Variants in LRRTM3 observed in about 807,000 individuals in gnomAD.
LRRTM3 encodes the protein leucine-rich repeat transmembrane neuronal protein 3.
A neutral mutation model predicts 44.7 loss-of-function variants in LRRTM3; 24 were observed. That is an observed-to-expected ratio of 0.54 (90% confidence interval 0.39 to 0.76). LRRTM3 has a LOEUF of 0.76. Among genes scored for constraint, LRRTM3 ranks in the 30% least tolerant of loss-of-function variants. The probability of loss-of-function intolerance (pLI) is 0.00; values close to 1 mark genes in which losing one functional copy is unlikely to be tolerated. For synonymous variants in LRRTM3, 277 were observed against 278.7 expected (o/e 0.99, Z 0.06); for missense variants, 587 against 702.2 (o/e 0.84, Z 1.85).
chr10:67,056,780 T>C (rs1855457196), intron 2 of LRRTM3, among the ~76,000 whole-genome samples: 1 of 152,168 alleles, frequency 6.6e-6, no homozygotes, highest in African/African-American at 2.4e-5. Flanking sequence ...ATGATATGAA[T>C]AAATCTGCTA....
rs1479977286 is a variant in LRRTM3 at position 67,100,644 on chromosome 10, C to G, written c.*2848C>G. The stretch of plus-strand genomic sequence containing the variant: ...CTGAAATGTTTACTTATGTTTGGAG[C>G]TGAAAAATGGAAAGTTTCACCCAGC... On this transcript the variant is annotated 3_prime_UTR_variant, in exon 3 of 3. Transcript: ENST00000361320. 6.6e-6 allele frequency among the ~76,000 whole-genome samples: 1 copy of G among 151,634 alleles called. No homozygotes were observed. Among genetic ancestry groups the G allele is most frequent in the Middle Eastern group, 3.2e-3 (1 of 316 alleles).
At chr10:67,011,239 G>C (rs1264560411) in intron 2 of LRRTM3, among the ~76,000 whole-genome samples, 1 of 151,886 alleles carries the variant, frequency 6.6e-6, no homozygotes, top group African/African-American at 2.4e-5. Flanking sequence ...TACTCGGGAG[G>C]CTGAGGCAGG....
At chr10:66,993,487 G>A (rs749745972) in intron 2 of LRRTM3, among the ~76,000 whole-genome samples, 36 of 151,996 alleles carry the variant, frequency 2.4e-4, no homozygotes, top group Non-Finnish European at 4.9e-4. Context: ...TTGCATTCTG[G>A]CAGGACAAGC....
chr10:67,063,214 T>C (rs1855863972), intron 2 of LRRTM3, among the ~76,000 whole-genome samples: 1 of 152,120 alleles, frequency 6.6e-6, no homozygotes, highest in African/African-American at 2.4e-5. Context: ...CTTAAAGCAA[T>C]GCCTAGTAAG....
chr10:67,091,724 C>G (rs895459706), intron 2 of LRRTM3, among the ~76,000 whole-genome samples: 1 of 151,828 alleles, frequency 6.6e-6, no homozygotes, highest in East Asian at 1.9e-4. Flanking sequence ...TCATTGATGT[C>G]AAGAAAGTAA....
In LRRTM3 at chr10:66,933,668, A is replaced by G. The variant is rs556420604; in HGVS notation, c.1536+5216A>G. Among the ~76,000 whole-genome samples the G allele has an allele frequency of 4.6e-5, 7 of 152,292 alleles. No homozygotes were observed. The South Asian group carries it at 6.2e-4, about 14-fold the overall frequency. On this transcript the variant is annotated intron_variant, in intron 2 of 2. Transcript: ENST00000361320. Reference sequence around the variant, plus strand: ...ACTGTGCCCAAGATCTCCTCTTAGTATAGAAATTACTATTGACTTTATCAA... The same window carrying G: ...ACTGTGCCCAAGATCTCCTCTTAGTGTAGAAATTACTATTGACTTTATCAA...
In LRRTM3 at chr10:66,953,749, G is replaced by A. The variant is rs531655035; in HGVS notation, c.1536+25297G>A. On this transcript the variant is annotated intron_variant, in intron 2 of 2. Coordinates refer to ENST00000361320, the MANE Select transcript of LRRTM3 (RefSeq NM_178011.5). ...ATATGTTTTATGACATGCTGACACT[G>A]TCCTCCTAAGATAATATTAGATGAT... 2.6e-5 allele frequency among the ~76,000 whole-genome samples: 4 copies of A among 152,150 alleles called. No homozygotes were observed. The South Asian group carries it at 8.3e-4, about 32-fold the overall frequency.
At chr10:66,971,380 C>A (rs1350880285) in intron 2 of LRRTM3, among the ~76,000 whole-genome samples, 1 of 151,898 alleles carries the variant, frequency 6.6e-6, no homozygotes, top group Non-Finnish European at 1.5e-5. Flanking sequence ...GAGCCGAGAT[C>A]GTGCCACTGC....
chr10:67,071,643 T>C (rs1195972472), intron 2 of LRRTM3, among the ~76,000 whole-genome samples: 1 of 152,218 alleles, frequency 6.6e-6, no homozygotes, highest in East Asian at 1.9e-4. Context: ...AACTTGTGTG[T>C]GGCGGTCTTT....
intron 2 of LRRTM3, among the ~76,000 whole-genome samples, chr10:66,975,481 C>T (rs1291449296): frequency 6.6e-6 from 1 of 152,138 alleles, no homozygotes; most frequent in East Asian, 1.9e-4. Context: ...TTTCCCTTTC[C>T]TGAGGATTTC....
chr10:67,085,934 T>C (rs993856593), intron 2 of LRRTM3, among the ~76,000 whole-genome samples: 5 of 151,916 alleles, frequency 3.3e-5, no homozygotes, highest in African/African-American at 1.2e-4. Flanking sequence ...ATATAAAGCC[T>C]CATAGCAACA....
intron 2 of LRRTM3, among the ~76,000 whole-genome samples, chr10:67,011,968 C>T (rs1050108329): frequency 6.6e-6 from 1 of 152,156 alleles, no homozygotes; most frequent in Non-Finnish European, 1.5e-5. Context: ...TTTTGACCAA[C>T]ATTACCTCCT....
intron 2 of LRRTM3, among the ~76,000 whole-genome samples, chr10:66,931,811 G>A (rs1417966276): frequency 3.9e-5 from 6 of 152,132 alleles, no homozygotes; most frequent in Non-Finnish European, 7.4e-5. Flanking sequence ...GATGAAAAGC[G>A]AGTAATAACG....
intron 2 of LRRTM3, among the ~76,000 whole-genome samples, chr10:66,930,819 G>A (rs1418453178): frequency 1.3e-5 from 2 of 152,014 alleles, no homozygotes; most frequent in African/African-American, 4.8e-5. Flanking sequence ...AGATAAGAAC[G>A]AAAATAAAAT....
intron 2 of LRRTM3, among the ~76,000 whole-genome samples, chr10:67,004,700 T>G (rs974403909): frequency 2.0e-5 from 3 of 152,212 alleles, no homozygotes; most frequent in Non-Finnish European, 4.4e-5. Flanking sequence ...TTCAAAAGAC[T>G]AGTATACTCA....
chr10:67,014,465 A>G (rs1356690885), intron 2 of LRRTM3, among the ~76,000 whole-genome samples: 1 of 152,170 alleles, frequency 6.6e-6, no homozygotes, highest in Non-Finnish European at 1.5e-5. Flanking sequence ...TGTTTGTAAC[A>G]TATGCATTCT....
intron 2 of LRRTM3, among the ~76,000 whole-genome samples, chr10:67,088,340 T>C (rs754729543): frequency 1.7e-4 from 26 of 151,906 alleles, no homozygotes; most frequent in Non-Finnish European, 3.4e-4. Flanking sequence ...TTTGTAGACA[T>C]TAGCATGTGA....
At chr10:66,951,687 AT>A (rs1395828277) in intron 2 of LRRTM3, among the ~76,000 whole-genome samples, 1 of 152,108 alleles carries the variant, frequency 6.6e-6, no homozygotes, top group Non-Finnish European at 1.5e-5. Flanking sequence ...CCTGAATGTG[AT>A]TTATTTTTTT....
At chr10:67,030,383 A>T (rs2133106898) in intron 2 of LRRTM3, among the ~76,000 whole-genome samples, 1 of 152,288 alleles carries the variant, frequency 6.6e-6, no homozygotes, top group Admixed American at 6.5e-5. Flanking sequence ...AAAATTAATG[A>T]AATATTTAAA....
Sources: gnomAD v4.1 joint callset for allele counts (sites outside exome capture counted in the v4.1 genomes callset) on GRCh38, gnomAD v4.1.1 for gene constraint, MANE v1.5 for transcripts, NCBI Gene and HGNC (gene_info 2026-07-23, HGNC 2026-07-21) for gene names.